DPP6: variants seen among roughly 807,000 people sequenced by gnomAD.
The protein encoded by DPP6 is A-type potassium channel modulatory protein DPP6.
Under a neutral mutation model 122.6 loss-of-function variants are expected in DPP6, and 69 were observed. That is an observed-to-expected ratio of 0.56 (90% CI 0.46 to 0.69). The LOEUF is 0.69. DPP6 is among the 30% of genes least tolerant of loss of function. The pLI, the probability that DPP6 is intolerant of heterozygous loss-of-function variation, is 0.00. For synonymous variants in DPP6, 418 were observed against 433.1 expected (o/e 0.97, Z 0.43); for missense variants, 928 against 1,116.9 (o/e 0.83, Z 2.41).
chr7:153,877,913 G>A, the DPP6 span, among the ~76,000 whole-genome samples: 1 of 116,092 alleles, frequency 8.6e-6, no homozygotes, highest in Non-Finnish European at 1.9e-5. Flanking sequence ...GACAAATAAA[G>A]ATATTAAAAG....
chr7:154,530,119 T>C (rs967392228), intron 3 of DPP6, among the ~76,000 whole-genome samples: 1 of 150,416 alleles, frequency 6.6e-6, no homozygotes, highest in Non-Finnish European at 1.5e-5. Context: ...AGTGAGACTC[T>C]GTCTCAAAAG....
intron 3 of DPP6, among the ~76,000 whole-genome samples, chr7:154,528,530 T>C (rs960559334): frequency 2.0e-5 from 3 of 152,224 alleles, no homozygotes; most frequent in Non-Finnish European, 4.4e-5. Flanking sequence ...CTTAGACTTA[T>C]GATAGTATTA....
chr7:154,418,270 C>T (rs1424349937), intron 1 of DPP6, among the ~76,000 whole-genome samples: 3 of 152,236 alleles, frequency 2.0e-5, no homozygotes, highest in Non-Finnish European at 4.4e-5. Flanking sequence ...CTAGCTCTGG[C>T]TTTGGTAGCA....
At position 154,150,419 on chromosome 7, in the gene DPP6, C is replaced by T. The variant is rs1169349148; in HGVS notation, c.243+97356C>T. Among the ~76,000 whole-genome samples, 8 of 152,118 alleles carry T rather than the reference C, an allele frequency of 5.3e-5. No individual in the cohort carries two copies. The East Asian group carries it at 5.8e-4, about 11-fold the overall frequency. ...CCTCTGGGACCAAATACCAGGGCTCCGTGGAGACATGGCTTTTTCTGGGAG... is the reference window on the plus strand; with the variant it reads ...CCTCTGGGACCAAATACCAGGGCTCTGTGGAGACATGGCTTTTTCTGGGAG... On this transcript the variant is annotated intron_variant, in intron 1 of 25. Transcript: ENST00000377770.
chr7:154,804,382 T>A (rs1187357092), intron 14 of DPP6, among the ~76,000 whole-genome samples: 1 of 152,210 alleles, frequency 6.6e-6, no homozygotes, highest in African/African-American at 2.4e-5. Flanking sequence ...TGCTCCAGGT[T>A]ATTCAGTTGG....
At chr7:154,480,164 C>G (rs961201357) in intron 3 of DPP6, among the ~76,000 whole-genome samples, 1 of 152,138 alleles carries the variant, frequency 6.6e-6, no homozygotes, top group Non-Finnish European at 1.5e-5. Context: ...TTGGCTGATT[C>G]CTATCATGAA....
At position 154,006,247 on chromosome 7, in the gene DPP6, T is replaced by A. The variant is rs543728050; in HGVS notation, c.51+118513T>A. 6.4e-3 allele frequency among the ~76,000 whole-genome samples: 966 copies of A among 152,094 alleles called. 9 individuals are homozygous for A. Among genetic ancestry groups the A allele is most frequent in the African/African-American group, 0.022 (898 of 41,476 alleles). On this transcript the variant is annotated intron_variant, in intron 1 of 25. Transcript: ENST00000404039. The stretch of plus-strand genomic sequence containing the variant: ...ACCAACAGTGGGCTCACATCACAGA[T>A]GTTTTCCCTTGGTGCTTGGTGGGCC...
chr7:153,927,470 A>G (rs1439811840), intron 1 of DPP6, among the ~76,000 whole-genome samples: 3 of 152,252 alleles, frequency 2.0e-5, no homozygotes, highest in South Asian at 2.1e-4. Flanking sequence ...TACAATATAC[A>G]TATACTGTAT....
chr7:154,158,190 G>T lies in DPP6; in HGVS notation c.243+105127G>T, dbSNP rs548765190. On this transcript the variant is annotated intron_variant, in intron 1 of 25. Coordinates refer to ENST00000377770, the MANE Select transcript of DPP6 (RefSeq NM_130797.4). ...AGGTACAATATTACGTTCTCTTTTT[G>T]TATACAAAGACTGTTAATTTAGAGA... Among the ~76,000 whole-genome samples the T allele has an allele frequency of 5.3e-5, 8 of 149,678 alleles. 1 individual carries two copies. In the South Asian group the frequency reaches 1.1e-3, roughly 20 times the overall value.
chr7:154,209,123 A>G (rs557116199), intron 1 of DPP6, among the ~76,000 whole-genome samples: 1 of 152,346 alleles, frequency 6.6e-6, no homozygotes, highest in South Asian at 2.1e-4. Context: ...AGAGTTCGCC[A>G]TCTTGATTCA....
At chr7:154,639,042 G>C (rs1447281571) in intron 6 of DPP6, among the ~76,000 whole-genome samples, 1 of 152,184 alleles carries the variant, frequency 6.6e-6, no homozygotes, top group Non-Finnish European at 1.5e-5. Context: ...TTTAACAGCA[G>C]GAGTGGCTAG....
At chr7:154,497,551 G>GATTAAAGA (rs1824856223) in intron 3 of DPP6, among the ~76,000 whole-genome samples, 1 of 151,642 alleles carries the variant, frequency 6.6e-6, no homozygotes, top group African/African-American at 2.4e-5. Context: ...AGAGGTTGCA[G>GATTAAAGA]TAAGCCAGGA....
chr7:154,402,577 A>G (rs940128031), intron 1 of DPP6, among the ~76,000 whole-genome samples: 16 of 136,506 alleles, frequency 1.2e-4, no homozygotes, highest in Non-Finnish European at 2.5e-4. Flanking sequence ...GAAGGGGAAC[A>G]TCACACTCTG....
intron 1 of DPP6, among the ~76,000 whole-genome samples, chr7:154,014,219 AG>A (rs772791648): frequency 1.5e-4 from 22 of 148,664 alleles, no homozygotes; most frequent in Non-Finnish European, 1.5e-4. Context: ...TGAGCCCAAA[AG>A]TTATTAGAGG....
intron 5 of DPP6, among the ~76,000 whole-genome samples, chr7:154,586,967 C>T (rs1012180345): frequency 6.6e-6 from 1 of 152,158 alleles, no homozygotes; most frequent in Non-Finnish European, 1.5e-5. Context: ...AGCAAATATT[C>T]GTTGGATAAA....
chr7:154,168,600 G>C (rs1563271432), intron 1 of DPP6, among the ~76,000 whole-genome samples: 1 of 152,180 alleles, frequency 6.6e-6, no homozygotes, highest in Non-Finnish European at 1.5e-5. Context: ...AGTGAGGCAT[G>C]AATCTTCCAA....
chr7:154,854,523 G>A (rs1354677195), intron 17 of DPP6, among the ~76,000 whole-genome samples: 1 of 152,152 alleles, frequency 6.6e-6, no homozygotes, highest in East Asian at 1.9e-4. Flanking sequence ...AAAGGTGGAG[G>A]ACGAGGAACA....
chr7:154,041,191 A>G (rs1275509317), intron 1 of DPP6, among the ~76,000 whole-genome samples: 4 of 152,200 alleles, frequency 2.6e-5, no homozygotes, highest in African/African-American at 4.8e-5. Context: ...TTCTCTTCAC[A>G]TATTTAAGAG....
Position 154,863,729 on chromosome 7 carries a change from T to C in DPP6, c.1715-4266T>C, listed in dbSNP as rs888470679. ...GCTCAGGAGGCTAAGGTGGGAGGAT[T>C]GCTTGAGCCCGGGTGTTCGAGGCTG... On this transcript the variant is annotated intron_variant, in intron 17 of 25. Coordinates refer to ENST00000377770, the MANE Select transcript of DPP6 (RefSeq NM_130797.4). The surrounding 1 kb of genome is among the most constrained non-coding windows in gnomAD (Gnocchi z 4.1). 6.6e-6 allele frequency among the ~76,000 whole-genome samples: 1 copy of C among 151,894 alleles called. No individual in the cohort carries two copies. Among genetic ancestry groups the C allele is most frequent in the African/African-American group, 2.4e-5 (1 of 41,372 alleles).
Sources: gnomAD v4.1 joint callset for allele counts (sites outside exome capture counted in the v4.1 genomes callset) on GRCh38, gnomAD v4.1.1 for gene constraint, Gnocchi (gnomAD v3.1) non-coding constraint, MANE v1.5 for transcripts, NCBI Gene and HGNC (gene_info 2026-07-23, HGNC 2026-07-21) for gene names.